RAD21L1: variants seen among roughly 807,000 people sequenced by gnomAD.
RAD21L1 encodes double-strand-break repair protein rad21-like protein 1.
In RAD21L1, 47 loss-of-function variants were observed where a neutral mutation model predicts 69.0. The observed-to-expected ratio is 0.68, with a 90% CI of 0.54 to 0.87. RAD21L1 has a LOEUF of 0.87. Ranked by LOEUF, RAD21L1 falls within the 40% of genes least tolerant of loss-of-function variation. RAD21L1 has a pLI of 0.00. For synonymous variants in RAD21L1, 177 were observed against 205.8 expected, an observed-to-expected ratio of 0.86 and a Z score of 1.20; for missense variants, 583 against 647.6, an observed-to-expected ratio of 0.90 and a Z score of 1.08.
At chr20:1,251,870 T>C (rs1252088415) in intron 13 of RAD21L1, among the ~76,000 whole-genome samples, 1 of 152,216 alleles carries the variant, frequency 6.6e-6, no homozygotes, top group East Asian at 1.9e-4. Flanking sequence ...TGTTGAGATA[T>C]GATTAACATG....
rs2087720418 is a variant in RAD21L1 at position 1,246,478 on chromosome 20, A to T, written c.1401+173A>T. Among the ~76,000 whole-genome samples, 1 of 152,158 alleles carries T rather than the reference A, an allele frequency of 6.6e-6. No individual in the cohort carries two copies. Among genetic ancestry groups the T allele is most frequent in the African/African-American group, 2.4e-5 (1 of 41,448 alleles). On this transcript the variant is annotated intron_variant, in intron 12 of 13. Transcript: ENST00000683101. This position sits in a 1 kb window ranked among gnomAD's most constrained non-coding sequence, Gnocchi z 4.6. ...TGAATAGTTTGATAAAATATTCTGA[A>T]TTGCTCTGATTTTTTTGTCTTTCTT...
chr20:1,230,349 A>G (rs890089754), intron 3 of RAD21L1: 13 of 177,258 alleles, frequency 7.3e-5, no homozygotes, highest in Non-Finnish European at 1.2e-4. Flanking sequence ...GAAATTAGAA[A>G]TAGTGTGATT....
At chr20:1,232,253 T>C (rs1369711163) in intron 4 of RAD21L1, among the ~76,000 whole-genome samples, 2 of 152,138 alleles carry the variant, frequency 1.3e-5, no homozygotes, top group Non-Finnish European at 2.9e-5. Flanking sequence ...GTCAGAGAGA[T>C]AGCAGGAGAC....
chr20:1,243,277 T>G lies in RAD21L1; in HGVS notation c.1183+81T>G. 8 of 646,058 alleles carry G rather than the reference T, an allele frequency of 1.2e-5. No homozygotes were observed. The South Asian group carries it at 1.9e-4, about 16-fold the overall frequency. 40.0% of individuals were successfully genotyped at this position (646,058 alleles called of 1,614,324 possible). On this transcript the variant is annotated intron_variant, in intron 10 of 13. Coordinates refer to ENST00000683101, the MANE Select transcript of RAD21L1 (RefSeq NM_001384355.1). ...GATGTTTTAAATTTCAAAATGAAGG[T>G]GGGATCCAATTCCATATTCTCAAGT...
intron 4 of RAD21L1, among the ~76,000 whole-genome samples, chr20:1,232,215 A>C (rs2087405319): frequency 6.6e-6 from 1 of 152,144 alleles, no homozygotes; most frequent in African/African-American, 2.4e-5. Flanking sequence ...TAGCGGAGTA[A>C]ATGAGAGGCT....
In RAD21L1 at chr20:1,231,532, T is replaced by C; in HGVS notation, c.281T>C (p.Val94Ala). 1 of 1,524,696 alleles carries C rather than the reference T, an allele frequency of 6.6e-7. No individual in the cohort carries two copies. Among genetic ancestry groups the C allele is most frequent in the East Asian group, 2.5e-5 (1 of 40,558 alleles). 94.4% of individuals were successfully genotyped at this position (1,524,696 alleles called of 1,614,324 possible). Residue 94 changes from valine (V) to alanine (A), a missense_variant, in exon 4 of 14, where the codon GTT becomes GCT. By Grantham distance (64) the Val-to-Ala change is moderately conservative. Transcript: ENST00000683101. The part of the protein sequence containing the change: ...KMKMTFCPGL[V>A]DLPKENFEAS... ...GGTTTTTGATCCTTTTCAGGACTGG[T>C]TGACCTTCCAAAAGAGAATTTTGAA...
Position 1,229,871 on chromosome 20 carries a change from T to C in RAD21L1, c.145-9T>C. On this transcript the variant is annotated splice_polypyrimidine_tract_variant and intron_variant, in intron 2 of 13. Coordinates refer to ENST00000683101, the MANE Select transcript of RAD21L1 (RefSeq NM_001384355.1). ...TTTACTCTTCTAATACTTCAAAAAT[T>C]ATTGAAAGGTGAAAATAGCACTTCG... The C allele has an allele frequency of 1.3e-6, 2 of 1,542,356 alleles. No homozygotes were observed. The highest frequency in any genetic ancestry group is 1.4e-5 in the African/African-American group (1 of 72,992).
At chr20:1,253,689 T>G (rs79079125) in intron 13 of RAD21L1, among the ~76,000 whole-genome samples, 9,246 of 152,298 alleles carry the variant, frequency 0.061, 384 homozygotes, top group South Asian at 0.1. Flanking sequence ...TCTTCATCCA[T>G]AATTAAAATA....
In RAD21L1 at chr20:1,248,683, C is replaced by G; in HGVS notation, c.1459C>G (p.Gln487Glu). 1.3e-6 allele frequency: 2 copies of G among 1,531,030 alleles called. No homozygotes were observed. Among genetic ancestry groups the G allele is most frequent in the Non-Finnish European group, 1.8e-6 (2 of 1,132,976 alleles). 94.8% of individuals were successfully genotyped at this position (1,531,030 alleles called of 1,614,324 possible). A position where few individuals can be genotyped will look rare whatever the true frequency, so the allele number is the denominator to read the frequency against. The change falls in exon 13 of 14, where the codon CAG (glutamine) becomes GAG (glutamate). Residue 487 changes from glutamine (Q) to glutamate (E), a missense_variant. By Grantham distance (29) the Gln-to-Glu change is conservative. Coordinates refer to ENST00000683101, the MANE Select transcript of RAD21L1 (RefSeq NM_001384355.1). ...AGAGAGATGGAATGGAAGAATACTT[C>G]AGATGTTAAATCGTTTACGGGTGAG... ...ETERWNGRIL[Q>E]MLNRLRESNK... is the part of the protein sequence containing the mutation.
Position 1,242,682 on chromosome 20 carries a change from G to A in RAD21L1, c.920G>A (p.Ser307Asn). Residue 307 changes from serine to asparagine, a missense_variant, in exon 9 of 14, where the codon AGT (serine) becomes AAT (asparagine). Coordinates refer to ENST00000683101, the MANE Select transcript of RAD21L1 (RefSeq NM_001384355.1). The stretch of plus-strand genomic sequence containing the variant: ...CTCATAGATCCTATCAAGGAGCTCA[G>A]TAGCAAAGTTATACATAAACAGCTT... ...RLLIDPIKEL[S>N]SKVIHKQLTS... is the part of the protein sequence containing the mutation. 6.4e-7 allele frequency: 1 copy of A among 1,551,624 alleles called. No individual in the cohort carries two copies. Among genetic ancestry groups the A allele is most frequent in the East Asian group, 2.4e-5 (1 of 40,916 alleles).
At chr20:1,250,918 C>T (rs1050746681) in intron 13 of RAD21L1, among the ~76,000 whole-genome samples, 1 of 152,062 alleles carries the variant, frequency 6.6e-6, no homozygotes. Context: ...TGATCCAAAC[C>T]AGCGGCTGTT....
chr20:1,241,870 G>T (rs2087614174), intron 8 of RAD21L1, among the ~76,000 whole-genome samples: 1 of 152,178 alleles, frequency 6.6e-6, no homozygotes, highest in African/African-American at 2.4e-5. Context: ...CTTTACTAAA[G>T]AAAAGCTTGA....
In RAD21L1 at chr20:1,234,172, T is replaced by C; in HGVS notation, c.456T>C (p.Ile152=). ...GAGAAAATTTTGACAATGATCTAAT[T>C]TTCCAAGCTGAGAGCTTTGGTGAGA... is the stretch of plus-strand genomic sequence containing the variant. The part of the protein sequence containing the change: ...TLRENFDNDL[I]FQAESFGEES... Residue 152 remains isoleucine, a synonymous_variant, in exon 5 of 14, where the codon ATT becomes ATC. Coordinates refer to ENST00000683101, the MANE Select transcript of RAD21L1 (RefSeq NM_001384355.1). 1 of 1,496,188 alleles carries C rather than the reference T, an allele frequency of 6.7e-7. No homozygotes were observed. Among genetic ancestry groups the C allele is most frequent in the African/African-American group, 1.4e-5 (1 of 71,622 alleles). The allele number at this position is 1,496,188 out of a possible 1,614,324, so 92.7% of individuals were successfully genotyped here.
intron 7 of RAD21L1, among the ~76,000 whole-genome samples, chr20:1,239,687 T>C (rs761910743): frequency 6.6e-6 from 1 of 152,186 alleles, no homozygotes; most frequent in Non-Finnish European, 1.5e-5. Context: ...GTAAGAAAAT[T>C]TATTAACTAG....
intron 11 of RAD21L1, 31 bp downstream of exon 11, chr20:1,244,201 T>A: frequency 6.9e-7 from 1 of 1,440,454 alleles, no homozygotes; most frequent in Non-Finnish European, 9.4e-7. Flanking sequence ...CGTAAAAATA[T>A]TTTATTTTCT....
At position 1,228,409 on chromosome 20, in the gene RAD21L1, G is replaced by A. The variant is rs1469778628; in HGVS notation, c.-32-13G>A. 21 of 1,325,030 alleles carry A rather than the reference G, an allele frequency of 1.6e-5. No individual in the cohort carries two copies. The highest frequency in any genetic ancestry group is 3.0e-5 in the East Asian group (1 of 33,088). 82.1% of individuals were successfully genotyped at this position (1,325,030 alleles called of 1,614,324 possible). On this transcript the variant is annotated splice_polypyrimidine_tract_variant and intron_variant, in intron 1 of 13. Transcript: ENST00000683101. Reference sequence around the variant, plus strand: ...GTAATAAAATTTTAAATTTCTTTTCGTGTTCTCTCTAGTTTGTTAAATACA... The same window carrying A: ...GTAATAAAATTTTAAATTTCTTTTCATGTTCTCTCTAGTTTGTTAAATACA...
intron 2 of RAD21L1, 70 bp from the exon 3 acceptor site, chr20:1,229,810 A>G (rs1280315135): frequency 8.5e-6 from 10 of 1,173,688 alleles, no homozygotes; most frequent in Admixed American, 2.5e-5. Flanking sequence ...TTACGATGTC[A>G]GTAACTTTCA....
rs912486704 is a variant in RAD21L1, at chr20:1,255,876, A to T, written c.*1419A>T. ...TCACTCATAAATGTCTTTGAGACTT[A>T]TCAAGTGCTTGCATGTGTCAGTGCT... On this transcript the variant is annotated 3_prime_UTR_variant, in exon 14 of 14. Transcript: ENST00000683101. Among the ~76,000 whole-genome samples the T allele has an allele frequency of 4.6e-5, 7 of 152,226 alleles. No individual in the cohort carries two copies. The highest frequency in any genetic ancestry group is 1.7e-4 in the African/African-American group (7 of 41,462).
chr20:1,249,444 T>C (rs1388850160), intron 13 of RAD21L1, among the ~76,000 whole-genome samples: 2 of 152,206 alleles, frequency 1.3e-5, no homozygotes, highest in African/African-American at 4.8e-5. Flanking sequence ...AGTTTATTTA[T>C]CTGTCAGGTA....
Sources: gnomAD v4.1 joint callset for allele counts (sites outside exome capture counted in the v4.1 genomes callset) on GRCh38, gnomAD v4.1.1 for gene constraint, Gnocchi (gnomAD v3.1) non-coding constraint, MANE v1.5 for transcripts, NCBI Gene and HGNC (gene_info 2026-07-23, HGNC 2026-07-21) for gene names.